Variants in TENM3 observed in about 807,000 individuals in gnomAD.
TENM3 encodes teneurin-3.
TENM3 carries 63 observed loss-of-function variants against 255.1 expected under a neutral mutation model. The observed-to-expected ratio is 0.25, with a 90% CI of 0.20 to 0.30. TENM3 has a LOEUF of 0.30. Among genes scored for constraint, TENM3 ranks in the 10% least tolerant of loss-of-function variants. The pLI, the probability that TENM3 is intolerant of heterozygous loss-of-function variation, is 1.00. For missense variants in TENM3, 2,929 were observed against 3,461.1 expected (o/e 0.85, Z 3.86); for synonymous variants, 1,306 against 1,322.3 (o/e 0.99, Z 0.27).
At chr4:181,471,964 G>C in the TENM3 span, among the ~76,000 whole-genome samples, 1 of 152,170 alleles carries the variant, frequency 6.6e-6, no homozygotes, top group Admixed American at 6.5e-5. Context: ...AAGCTTATTA[G>C]TTCAGATGCT....
chr4:182,162,620 T>C (rs1561155451), intron 1 of TENM3, among the ~76,000 whole-genome samples: 1 of 152,088 alleles, frequency 6.6e-6, no homozygotes, highest in Non-Finnish European at 1.5e-5. Flanking sequence ...TTATAGACAA[T>C]AGAAATTTAT....
At chr4:182,136,329 T>G in the TENM3 span, among the ~76,000 whole-genome samples, 1 of 152,230 alleles carries the variant, frequency 6.6e-6, no homozygotes, top group Non-Finnish European at 1.5e-5. Flanking sequence ...TCCAGGAGTG[T>G]TCCTTGCCTC....
At chr4:182,371,921 G>T (rs181564562) in intron 3 of TENM3, among the ~76,000 whole-genome samples, 20 of 152,294 alleles carry the variant, frequency 1.3e-4, no homozygotes, top group Middle Eastern at 3.4e-3. Flanking sequence ...ACTTTAAAGA[G>T]ATCTAGGTTT....
chr4:181,540,749 G>T, the TENM3 span, among the ~76,000 whole-genome samples: 1 of 152,066 alleles, frequency 6.6e-6, no homozygotes, highest in African/African-American at 2.4e-5. Context: ...CAAAAACAAA[G>T]ACTCAAACTG....
intron 1 of TENM3, among the ~76,000 whole-genome samples, chr4:182,170,955 T>C (rs910659485): frequency 6.6e-6 from 1 of 152,196 alleles, no homozygotes; most frequent in Admixed American, 6.5e-5. Context: ...ACATCATCGG[T>C]AGTTTTGCAT....
chr4:182,200,085 T>C (rs778269301), intron 1 of TENM3, among the ~76,000 whole-genome samples: 29 of 152,092 alleles, frequency 1.9e-4, no homozygotes, highest in Non-Finnish European at 2.9e-5. Context: ...ATTCAGTTTA[T>C]GGAAAAATTT....
the TENM3 span, chr4:181,975,445 T>A: frequency 6.6e-6 from 1 of 151,968 alleles, no homozygotes; most frequent in South Asian, 2.1e-4. Context: ...GCCGATTGCT[T>A]AGTATTTCAC....
chr4:181,954,581 A>G, the TENM3 span, among the ~76,000 whole-genome samples: 1 of 152,166 alleles, frequency 6.6e-6, no homozygotes, highest in Non-Finnish European at 1.5e-5. Flanking sequence ...GCAGATCTCC[A>G]TTCACACTTT....
chr4:181,977,860 A>G, the TENM3 span, among the ~76,000 whole-genome samples: 7 of 152,172 alleles, frequency 4.6e-5, no homozygotes, highest in Admixed American at 3.3e-4. Flanking sequence ...AAGTAATCAG[A>G]GAGAATCAGA....
intron 19 of TENM3, among the ~76,000 whole-genome samples, chr4:182,749,759 G>A (rs938208637): frequency 1.1e-4 from 17 of 151,960 alleles, no homozygotes; most frequent in Admixed American, 3.9e-4. Context: ...GTACAACTGA[G>A]AAGAAAAAAA....
chr4:181,820,463 C>T, the TENM3 span, among the ~76,000 whole-genome samples: 2 of 149,504 alleles, frequency 1.3e-5, no homozygotes, highest in Non-Finnish European at 3.0e-5. Flanking sequence ...ATAATGGGCA[C>T]GTTTAACTAG....
intron 3 of TENM3, among the ~76,000 whole-genome samples, chr4:182,394,028 G>A (rs1485620425): frequency 6.6e-6 from 1 of 152,058 alleles, no homozygotes; most frequent in Admixed American, 6.6e-5. Context: ...GAGTTTGTGG[G>A]GAGCACGTGG....
chr4:181,770,742 A>T, the TENM3 span, among the ~76,000 whole-genome samples: 4 of 152,024 alleles, frequency 2.6e-5, no homozygotes, highest in Non-Finnish European at 5.9e-5. Context: ...GCACTCAAGA[A>T]ATCTATCACC....
intron 1 of TENM3, among the ~76,000 whole-genome samples, chr4:182,312,481 A>G (rs1762512504): frequency 6.6e-6 from 1 of 152,258 alleles, no homozygotes; most frequent in Non-Finnish European, 1.5e-5. Context: ...ACCTACTTCA[A>G]TCAGAATAAG....
intron 3 of TENM3, among the ~76,000 whole-genome samples, chr4:182,444,581 T>C (rs1772757305): frequency 6.6e-6 from 1 of 152,216 alleles, no homozygotes; most frequent in African/African-American, 2.4e-5. Context: ...AGATTACAGC[T>C]CTCAGAGGAT....
intron 1 of TENM3, among the ~76,000 whole-genome samples, chr4:182,221,246 AAGTT>A (rs1251194860): frequency 5.9e-5 from 9 of 152,222 alleles, no homozygotes; most frequent in Non-Finnish European, 8.8e-5. Context: ...CCTGCTATAA[AAGTT>A]AGCCGTTTTT....
At chr4:182,561,846 T>C (rs1229078476) in intron 3 of TENM3, among the ~76,000 whole-genome samples, 3 of 152,094 alleles carry the variant, frequency 2.0e-5, no homozygotes, top group Admixed American at 6.6e-5. Flanking sequence ...GTATATATTA[T>C]GTTGGTGAAA....
At chr4:181,776,798 T>C in the TENM3 span, among the ~76,000 whole-genome samples, 1 of 152,122 alleles carries the variant, frequency 6.6e-6, no homozygotes, top group South Asian at 2.1e-4. Context: ...CTTTCTGCTG[T>C]TGAGTTTTTT....
Position 182,799,602 on chromosome 4 carries a change from T to C in TENM3, c.7351T>C (p.Phe2451Leu). The change falls in exon 28 of 28, where the codon TTC becomes CTC. Residue 2451 changes from phenylalanine to leucine, a missense_variant. Transcript: ENST00000511685. This position sits in a 1 kb window ranked among gnomAD's most constrained non-coding sequence, Gnocchi z 4.2. ...TCTTTTGTTTCGCCCGCAGCCCATCTTCGGAGTCCAGCAGCAAGTGGCGCG... is the reference window on the plus strand; with the variant it reads ...TCTTTTGTTTCGCCCGCAGCCCATCCTCGGAGTCCAGCAGCAAGTGGCGCG... Reference protein sequence around the residue: ...SQQWDDIPPIFGVQQQVARQA... With the variant: ...SQQWDDIPPILGVQQQVARQA... The C allele has an allele frequency of 1.9e-6, 3 of 1,539,596 alleles. No individual in the cohort carries two copies. Among genetic ancestry groups the C allele is most frequent in the Non-Finnish European group, 2.6e-6 (3 of 1,146,312 alleles).
Sources: allele counts gnomAD v4.1 joint callset (sites outside exome capture counted in the v4.1 genomes callset), GRCh38; gene constraint gnomAD v4.1.1; non-coding constraint Gnocchi (gnomAD v3.1); transcripts MANE v1.5; gene names NCBI Gene and HGNC (gene_info 2026-07-23, HGNC 2026-07-21).